CASK: variants seen among roughly 807,000 people sequenced by gnomAD.
The protein encoded by CASK is calcium/calmodulin dependent serine protein kinase, also known as peripheral plasma membrane protein CASK.
In CASK, 4 loss-of-function variants were observed where a neutral mutation model predicts 82.9. That is an observed-to-expected ratio of 0.05 (90% CI 0.02 to 0.11). The LOEUF (loss-of-function observed/expected upper bound fraction) is 0.11, where lower values mean the gene tolerates loss of function less well. Among genes scored for constraint, CASK ranks in the 10% least tolerant of loss-of-function variants. CASK has a pLI of 1.00. For synonymous variants in CASK, 259 were observed against 253.5 expected (o/e 1.02, Z -0.20); for missense variants, 358 against 720.9 (o/e 0.50, Z 5.76).
chrX:41,779,547 T>G (rs1053166345), intron 3 of CASK, among the ~76,000 whole-genome samples: 1 of 111,847 alleles, frequency 8.9e-6, no homozygotes, highest in Non-Finnish European at 1.9e-5. Context: ...TAAAATCAAC[T>G]AAACATTTTG....
At chrX:41,534,576 C>CT in intron 24 of CASK, 130 bp downstream of exon 24, 2 of 525,161 alleles carry the variant, frequency 3.8e-6, no homozygotes, top group Non-Finnish European at 6.3e-6. Context: ...CCTCCTTGTT[C>CT]TTTTTTTGAT....
At position 41,661,588 on chromosome X, in the gene CASK, C is replaced by T. The variant is rs371696014; in HGVS notation, c.709-1027G>A. Among the ~76,000 whole-genome samples the T allele has an allele frequency of 7.2e-5, 8 of 111,495 alleles. No homozygotes were observed. In the East Asian group the frequency reaches 2.0e-3, roughly 28 times the overall value. ...ATTTGAGCAAGGGCTAGCATTAGCT[C>T]TGACTAATGTGAGACTTTGTACTTG... On this transcript the variant is annotated intron_variant, in intron 7 of 26. Coordinates refer to ENST00000378163, the MANE Select transcript of CASK (RefSeq NM_001367721.1).
intron 5 of CASK, among the ~76,000 whole-genome samples, chrX:41,719,955 C>T (rs964728494): frequency 3.4e-4 from 38 of 112,599 alleles, no homozygotes; most frequent in Non-Finnish European, 5.8e-4. Flanking sequence ...TTCTTTATCA[C>T]GGCTAGCAGA....
intron 1 of CASK, among the ~76,000 whole-genome samples, chrX:41,877,019 T>C (rs2071837462): frequency 9.0e-6 from 1 of 111,677 alleles, no homozygotes; most frequent in Non-Finnish European, 1.9e-5. Flanking sequence ...TATATATTTT[T>C]AAGTTACAGT....
At chrX:41,883,949 G>A (rs1402833572) in intron 1 of CASK, among the ~76,000 whole-genome samples, 1 of 111,875 alleles carries the variant, frequency 8.9e-6, no homozygotes, top group African/African-American at 3.2e-5. Flanking sequence ...CCCTTCCTTT[G>A]GCAATTAAGT....
rs535655424 is a variant in CASK at position 41,830,700 on chromosome X, G to A, written c.172+22415C>T. Reference sequence around the variant, plus strand: ...CCGGGCGTGGTGGCGGGTGCCTGTAGTCCCAGCTACTCAGGAGGCTGAGGC... The same window carrying A: ...CCGGGCGTGGTGGCGGGTGCCTGTAATCCCAGCTACTCAGGAGGCTGAGGC... On this transcript the variant is annotated intron_variant, in intron 2 of 26. Coordinates refer to ENST00000378163, the MANE Select transcript of CASK (RefSeq NM_001367721.1). 2.8e-5 allele frequency among the ~76,000 whole-genome samples: 3 copies of A among 107,158 alleles called. No homozygotes were observed. In the South Asian group the frequency reaches 1.3e-3, roughly 46 times the overall value. 93.1% of individuals were successfully genotyped at this position (107,158 alleles called of 115,157 possible).
chrX:41,604,525 T>C (rs2065933637), intron 12 of CASK, among the ~76,000 whole-genome samples: 1 of 108,567 alleles, frequency 9.2e-6, no homozygotes, highest in Admixed American at 1.0e-4. Flanking sequence ...CCTGGATCCT[T>C]TGGAGGGAGC....
intron 2 of CASK, among the ~76,000 whole-genome samples, chrX:41,826,279 CTG>C (rs1439246618): frequency 2.7e-5 from 3 of 112,119 alleles, no homozygotes; most frequent in Non-Finnish European, 5.6e-5. Context: ...GGAAACAAAA[CTG>C]TGCCAGTTTC....
chrX:41,647,661 C>T (rs950674513), intron 8 of CASK, among the ~76,000 whole-genome samples: 2 of 111,556 alleles, frequency 1.8e-5, no homozygotes, highest in Admixed American at 9.6e-5. Context: ...ACAGAAGGAC[C>T]GGCTGAAACC....
At chrX:41,564,603 C>T (rs780663751) in intron 16 of CASK, among the ~76,000 whole-genome samples, 1 of 111,565 alleles carries the variant, frequency 9.0e-6, no homozygotes, top group African/African-American at 3.3e-5. Flanking sequence ...CGGTCCTAGC[C>T]AGTGCAGTAA....
At chrX:41,692,866 T>C (rs748167966) in intron 5 of CASK, among the ~76,000 whole-genome samples, 1 of 112,305 alleles carries the variant, frequency 8.9e-6, no homozygotes, top group African/African-American at 3.2e-5. Context: ...GATAGAGCAA[T>C]TGCAATTGTG....
chrX:41,829,244 G>T (rs1225614643), intron 2 of CASK, among the ~76,000 whole-genome samples: 1 of 110,784 alleles, frequency 9.0e-6, no homozygotes, highest in Non-Finnish European at 1.9e-5. Flanking sequence ...AACAGAACAT[G>T]ACCAGCACCT....
chrX:41,565,413 G>A (rs1295084779), intron 16 of CASK, among the ~76,000 whole-genome samples: 2 of 111,494 alleles, frequency 1.8e-5, no homozygotes, highest in Non-Finnish European at 3.8e-5. Context: ...TATCACCACC[G>A]ATCCCACAGA....
At chrX:41,794,035 T>G (rs2069790316) in intron 2 of CASK, among the ~76,000 whole-genome samples, 1 of 112,145 alleles carries the variant, frequency 8.9e-6, no homozygotes, top group South Asian at 3.7e-4. Flanking sequence ...CATAGAAATC[T>G]GGGTCAACTG....
intron 11 of CASK, among the ~76,000 whole-genome samples, chrX:41,610,251 A>G (rs1348094057): frequency 1.8e-5 from 2 of 112,389 alleles, no homozygotes; most frequent in Non-Finnish European, 1.9e-5. Context: ...TTCATTTTTC[A>G]GAGGAAACTG....
At position 41,518,937 on chromosome X, in the gene CASK, G is replaced by T. The variant is rs2064598225; in HGVS notation, c.*1483C>A. The T allele has an allele frequency of 9.0e-6, 1 of 111,657 alleles. No homozygotes were observed. The highest frequency in any genetic ancestry group is 3.3e-5 in the African/African-American group (1 of 30,685). 9.2% of individuals were successfully genotyped at this position (111,657 alleles called of 1,213,427 possible). On this transcript the variant is annotated 3_prime_UTR_variant, in exon 27 of 27. Transcript: ENST00000378163. ...TAATGTCTCTAAAGCAACAAGGACA[G>T]ATGATTCCCCTGTGCCAAGGGATAC...
At chrX:41,551,341 C>A (rs2065094329) in intron 21 of CASK, among the ~76,000 whole-genome samples, 1 of 111,591 alleles carries the variant, frequency 9.0e-6, no homozygotes, top group South Asian at 3.8e-4. Context: ...GACAAGGCAG[C>A]TTTCTCTATA....
At chrX:41,880,460 T>C (rs1187899632) in intron 1 of CASK, among the ~76,000 whole-genome samples, 6 of 111,884 alleles carry the variant, frequency 5.4e-5, no homozygotes. Context: ...GTCTCCTACA[T>C]AGTTCTCAGT....
In CASK at chrX:41,676,519, C is replaced by G. The variant is rs1318925839; in HGVS notation, c.430-4989G>C. On this transcript the variant is annotated intron_variant, in intron 5 of 26. Coordinates refer to ENST00000378163, the MANE Select transcript of CASK (RefSeq NM_001367721.1). The stretch of plus-strand genomic sequence containing the variant: ...TGACTGGATGTTCCCGCAGTGGGCT[C>G]CCCTCGCGCCGGCACGCGGCCTCGC... The G allele has an allele frequency of 2.6e-6, 3 of 1,166,848 alleles. No individual in the cohort carries two copies. In the African/African-American group the frequency reaches 5.3e-5, roughly 21 times the overall value.
Sources: gnomAD v4.1 joint callset for allele counts (sites outside exome capture counted in the v4.1 genomes callset) on GRCh38, gnomAD v4.1.1 for gene constraint, MANE v1.5 for transcripts, NCBI Gene and HGNC (gene_info 2026-07-23, HGNC 2026-07-21) for gene names.